Variants in SUDS3 observed in about 807,000 individuals in gnomAD.
The protein encoded by SUDS3 is SIN3A corepressor complex component SDS3.
Under a neutral mutation model 53.5 loss-of-function variants are expected in SUDS3, and 23 were observed. That is an observed-to-expected ratio of 0.43 (90% confidence interval 0.31 to 0.61). The LOEUF (loss-of-function observed/expected upper bound fraction) is 0.61. SUDS3 is among the 20% of genes least tolerant of loss of function. The probability of loss-of-function intolerance (pLI) is 0.10; values close to 1 mark genes in which losing one functional copy is unlikely to be tolerated. For missense variants in SUDS3, 291 were observed against 405.9 expected, an observed-to-expected ratio of 0.72 and a Z score of 2.43; for synonymous variants, 150 against 148.5, an observed-to-expected ratio of 1.01 and a Z score of -0.08.
chr12:118,397,753 TTTGA>T (rs1402322899), intron 6 of SUDS3, among the ~76,000 whole-genome samples: 1 of 151,846 alleles, frequency 6.6e-6, no homozygotes, highest in Non-Finnish European at 1.5e-5. Context: ...TTCATAAGAA[TTTGA>T]TTGTATTTTT....
In SUDS3 at chr12:118,376,798, A is replaced by G; in HGVS notation, c.107A>G (p.Asp36Gly). The G allele has an allele frequency of 6.4e-7, 1 of 1,551,938 alleles. No individual in the cohort carries two copies. The highest frequency in any genetic ancestry group is 8.7e-7 in the Non-Finnish European group (1 of 1,155,242). ...GAAGAGCTGGAGAGCGCCGAGGACG[A>G]CGAGCGCAGCTGTCGGGGCCGCGAG... ...EDEELESAED[D>G]ERSCRGRESD... Residue 36 changes from aspartate to glycine, a missense_variant, in exon 1 of 12, where the codon GAC (aspartate) becomes GGC (glycine). Physicochemically the swap from Asp to Gly is moderately conservative, Grantham distance 94. This residue lies in a region of SUDS3 where 149 missense variants were observed against 146.5 expected (regional missense o/e 1.02). Transcript: ENST00000543473.
chr12:118,381,757 TCAGA>T (rs10551563), intron 2 of SUDS3, among the ~76,000 whole-genome samples: 17,437 of 152,190 alleles, frequency 0.11, 1,250 homozygotes, highest in Middle Eastern at 0.19. Flanking sequence ...CTCATTGTCT[TCAGA>T]CAGAGCCACA....
At position 118,400,729 on chromosome 12, in the gene SUDS3, A is replaced by G; in HGVS notation, c.588A>G (p.Pro196=). 36 of 1,614,010 alleles carry G rather than the reference A, an allele frequency of 2.2e-5. No individual in the cohort carries two copies. The highest frequency in any genetic ancestry group is 3.1e-5 in the Non-Finnish European group (36 of 1,179,884). ...RRRPNDPVPI[P]DKRRKPAPAQ... ...GACCAAATGATCCCGTCCCCATCCC[A>G]GACAAGAGGAGGAAACCTGCTCCAG... Residue 196 remains proline, a synonymous_variant, in exon 7 of 12, where the codon CCA becomes CCG. Transcript: ENST00000543473.
At position 118,411,165 on chromosome 12, in the gene SUDS3, C is replaced by G. The variant is rs565993243; in HGVS notation, c.888+8C>G. ...TCTGTAGGAGCCAATGAGGTGGGAA[C>G]CACACTCCCTCACCTTTAGGGAAGC... On this transcript the variant is annotated splice_region_variant and intron_variant, in intron 11 of 11. Coordinates refer to ENST00000543473, the MANE Select transcript of SUDS3 (RefSeq NM_022491.3). The G allele has an allele frequency of 2.5e-6, 4 of 1,584,328 alleles. No homozygotes were observed. In the East Asian group the frequency reaches 9.2e-5, roughly 36 times the overall value.
chr12:118,400,839 G>A, intron 7 of SUDS3, 85 bp downstream of exon 7: 1 of 1,244,922 alleles, frequency 8.0e-7, no homozygotes, highest in Non-Finnish European at 1.2e-6. Context: ...GGTACACATG[G>A]CCGTTGTCCT....
chr12:118,385,036 G>T (rs1426516465), intron 3 of SUDS3, among the ~76,000 whole-genome samples: 1 of 152,162 alleles, frequency 6.6e-6, no homozygotes, highest in African/African-American at 2.4e-5. Flanking sequence ...AGGTCCTGGG[G>T]ACAGTTAGCT....
intron 3 of SUDS3, among the ~76,000 whole-genome samples, chr12:118,385,428 A>G (rs781254238): frequency 6.6e-6 from 1 of 152,126 alleles, no homozygotes; most frequent in Non-Finnish European, 1.5e-5. Context: ...TGTTTCTACT[A>G]TGTGCTTTTA....
chr12:118,376,983 C>T (rs1236411273), intron 1 of SUDS3, 150 bp downstream of exon 1: 1 of 1,089,050 alleles, frequency 9.2e-7, no homozygotes, highest in East Asian at 3.1e-5. Flanking sequence ...GGGAAGTTAC[C>T]CCCATCCGTG....
chr12:118,402,267 T>C, intron 9 of SUDS3: 1 of 531,410 alleles, frequency 1.9e-6, no homozygotes, highest in Non-Finnish European at 3.3e-6. Context: ...ATTGATTTCC[T>C]TCTGTGTAGG....
chr12:118,393,963 GC>G (rs1483871798), intron 6 of SUDS3, among the ~76,000 whole-genome samples: 1 of 152,080 alleles, frequency 6.6e-6, no homozygotes. Context: ...GAGCCACCGT[GC>G]CCCGGCTGAG....
rs1169689437 is a variant in SUDS3 at position 118,416,716 on chromosome 12, A to T, written c.*2283A>T. 2 of 152,202 alleles carry T rather than the reference A, an allele frequency of 1.3e-5. No homozygotes were observed. Among genetic ancestry groups the T allele is most frequent in the African/African-American group, 4.8e-5 (2 of 41,452 alleles). 9.4% of individuals were successfully genotyped at this position (152,202 alleles called of 1,614,324 possible). A position where few individuals can be genotyped will look rare whatever the true frequency, so the allele number is the denominator to read the frequency against. On this transcript the variant is annotated 3_prime_UTR_variant, in exon 12 of 12. Transcript: ENST00000543473. ...CTCAGTGGTGACCAGGAACAGAAGC[A>T]GCCTTCCTGTTAGTAGATGGGGGTA...
rs1195328615 is a variant in SUDS3, at chr12:118,411,029, CTCTG to C, written c.804-41_804-38del. ...GTTTTGTTTGGTTTTTACTTCCTGT[CTCTG>C]TCCCTCCCTTTTTAAAAATGTGTGC... On this transcript the variant is annotated intron_variant, in intron 10 of 11. Transcript: ENST00000543473. 5.9e-6 allele frequency: 9 copies of C among 1,518,824 alleles called. No individual in the cohort carries two copies. The African/African-American group carries it at 1.2e-4, about 21-fold the overall frequency. The allele number at this position is 1,518,824 out of a possible 1,614,324, so 94.1% of individuals were successfully genotyped here.
chr12:118,396,765 T>C (rs113200614), intron 6 of SUDS3, among the ~76,000 whole-genome samples: 50 of 152,350 alleles, frequency 3.3e-4, no homozygotes, highest in Middle Eastern at 3.4e-3. Context: ...GGTAATTGTA[T>C]GTAAATTGCA....
chr12:118,404,822 ATTAT>A (rs2046295710), intron 10 of SUDS3, among the ~76,000 whole-genome samples: 1 of 152,158 alleles, frequency 6.6e-6, no homozygotes, highest in South Asian at 2.1e-4. Flanking sequence ...TGGGGTAATG[ATTAT>A]TTATTTTGAA....
intron 11 of SUDS3, among the ~76,000 whole-genome samples, chr12:118,412,451 A>G (rs979925683): frequency 6.6e-6 from 1 of 152,206 alleles, no homozygotes; most frequent in African/African-American, 2.4e-5. Flanking sequence ...CTAGTTTGCA[A>G]AATGATTGTT....
At chr12:118,411,667 T>A (rs2141394956) in intron 11 of SUDS3, among the ~76,000 whole-genome samples, 1 of 151,972 alleles carries the variant, frequency 6.6e-6, no homozygotes, top group South Asian at 2.1e-4. Flanking sequence ...CCGGCTAATT[T>A]TTGTATTTTT....
At chr12:118,393,366 C>G (rs2046184891) in intron 6 of SUDS3, among the ~76,000 whole-genome samples, 1 of 152,178 alleles carries the variant, frequency 6.6e-6, no homozygotes, top group Non-Finnish European at 1.5e-5. Flanking sequence ...GAAGCTTAGT[C>G]TAAATAACCC....
chr12:118,399,549 T>G (rs886197160), intron 6 of SUDS3, among the ~76,000 whole-genome samples: 1 of 152,036 alleles, frequency 6.6e-6, no homozygotes, highest in Non-Finnish European at 1.5e-5. Context: ...CAAAACGATC[T>G]GATTTGTGTC....
chr12:118,404,395 G>A (rs2046292007), intron 10 of SUDS3: 1 of 152,298 alleles, frequency 6.6e-6, no homozygotes, highest in Non-Finnish European at 1.5e-5. Flanking sequence ...ACAGGCATGA[G>A]CCACTGTGTC....
Sources: gnomAD v4.1 joint callset for allele counts (sites outside exome capture counted in the v4.1 genomes callset) on GRCh38, gnomAD v4.1.1 for gene constraint, gnomAD v4.1.1 regional missense constraint, MANE v1.5 for transcripts, NCBI Gene and HGNC (gene_info 2026-07-23, HGNC 2026-07-21) for gene names.